The following FRMD6 variants were observed in gnomAD, a reference collection of about 807,000 sequenced individuals.
FRMD6 encodes FERM domain-containing protein 6.
A neutral mutation model predicts 73.2 loss-of-function variants in FRMD6; 37 were observed. The observed-to-expected ratio is 0.51, with a 90% CI of 0.39 to 0.66. The LOEUF (loss-of-function observed/expected upper bound fraction) is 0.66. Ranked by LOEUF, FRMD6 falls within the 30% of genes least tolerant of loss-of-function variation. The pLI, the probability that FRMD6 is intolerant of heterozygous loss-of-function variation, is 0.00. For synonymous variants in FRMD6, 273 were observed against 282.2 expected (o/e 0.97, Z 0.33); for missense variants, 714 against 780.5 (o/e 0.91, Z 1.02).
intron 1 of FRMD6, among the ~76,000 whole-genome samples, chr14:51,680,563 A>C (rs1449960595): frequency 6.6e-6 from 1 of 152,186 alleles, no homozygotes; most frequent in East Asian, 1.9e-4. Flanking sequence ...CTCAAATACC[A>C]GTTGGTTTAT....
chr14:51,605,283 G>C (rs1890210345), intron 2 of FRMD6, among the ~76,000 whole-genome samples: 2 of 151,726 alleles, frequency 1.3e-5, no homozygotes, highest in African/African-American at 4.8e-5. Context: ...AGGACCCTGG[G>C]GCCTTCCGCA....
chr14:51,567,255 T>C (rs1887827755), intron 1 of FRMD6, among the ~76,000 whole-genome samples: 1 of 152,222 alleles, frequency 6.6e-6, no homozygotes, highest in Admixed American at 6.5e-5. Flanking sequence ...AAATTTGTTT[T>C]GAAACGAGTG....
intron 2 of FRMD6, among the ~76,000 whole-genome samples, chr14:51,580,058 C>T (rs1888627389): frequency 6.6e-6 from 1 of 152,022 alleles, no homozygotes; most frequent in African/African-American, 2.4e-5. Context: ...GGAGGAAAGC[C>T]CTAACAGCAT....
intron 1 of FRMD6, chr14:51,546,597 A>AC (rs1183195096): frequency 6.6e-6 from 1 of 151,368 alleles, no homozygotes; most frequent in African/African-American, 2.4e-5. Flanking sequence ...AAAAAAAAAA[A>AC]AAAAAAAAAC....
the FRMD6 span, among the ~76,000 whole-genome samples, chr14:51,410,580 T>A: frequency 2.9e-4 from 44 of 152,218 alleles, no homozygotes; most frequent in Admixed American, 1.1e-3. Context: ...AGCTTTATTA[T>A]CCTGATTATT....
At chr14:51,708,406 A>G (rs1372900375) in intron 7 of FRMD6, 173 bp downstream of exon 7, 5 of 620,350 alleles carry the variant, frequency 8.1e-6, no homozygotes, top group Non-Finnish European at 1.3e-5. Context: ...CTTGGAGGCC[A>G]TGGTGCTTTT....
chr14:51,567,799 G>A (rs1457845347), intron 1 of FRMD6, among the ~76,000 whole-genome samples: 2 of 152,146 alleles, frequency 1.3e-5, no homozygotes, highest in South Asian at 2.1e-4. Flanking sequence ...TATTTCATAT[G>A]TACAGATTTT....
chr14:51,481,940 T>A, the FRMD6 span, among the ~76,000 whole-genome samples: 1 of 152,264 alleles, frequency 6.6e-6, no homozygotes, highest in Admixed American at 6.5e-5. Flanking sequence ...TTATTTTGTT[T>A]GTTCAAATTG....
intron 1 of FRMD6, among the ~76,000 whole-genome samples, chr14:51,530,756 G>C (rs1766792795): frequency 6.6e-6 from 1 of 152,074 alleles, no homozygotes; most frequent in South Asian, 2.1e-4. Flanking sequence ...CAACATGCTG[G>C]GATTACAGGC....
chr14:51,453,117 G>T, the FRMD6 span, among the ~76,000 whole-genome samples: 1 of 151,496 alleles, frequency 6.6e-6, no homozygotes, highest in Non-Finnish European at 1.5e-5. Context: ...AGTGAGAACT[G>T]AACAAGCTTA....
intron 1 of FRMD6, among the ~76,000 whole-genome samples, chr14:51,558,894 T>C (rs1199476068): frequency 3.9e-5 from 6 of 152,202 alleles, no homozygotes; most frequent in Non-Finnish European, 8.8e-5. Context: ...TCCCTGATTG[T>C]ACCACTCTTT....
At chr14:51,416,579 G>T in the FRMD6 span, among the ~76,000 whole-genome samples, 1 of 152,110 alleles carries the variant, frequency 6.6e-6, no homozygotes, top group Non-Finnish European at 1.5e-5. Flanking sequence ...CCAACTATGT[G>T]GTCAATTTTG....
intron 1 of FRMD6, among the ~76,000 whole-genome samples, chr14:51,560,833 A>T (rs1394852643): frequency 6.6e-6 from 1 of 152,114 alleles, no homozygotes; most frequent in Non-Finnish European, 1.5e-5. Context: ...TGCCCTTCCT[A>T]CATCCTACCA....
chr14:51,655,590 A>T (rs957064359), intron 1 of FRMD6, among the ~76,000 whole-genome samples: 4 of 152,202 alleles, frequency 2.6e-5, no homozygotes, highest in Non-Finnish European at 5.9e-5. Flanking sequence ...TTAAAGGGAT[A>T]ATTTGAGAGG....
Position 51,720,327 on chromosome 14 carries a change from T to C in FRMD6, c.1297T>C (p.Ser433Pro). The C allele has an allele frequency of 6.2e-7, 1 of 1,613,826 alleles. No individual in the cohort carries two copies. The highest frequency in any genetic ancestry group is 1.3e-5 in the African/African-American group (1 of 74,992). ...TCSSMTSHGSSHTSGVESGGK... is the reference protein window; with the variant it reads ...TCSSMTSHGSPHTSGVESGGK... Reference sequence around the variant, plus strand: ...CAGCTCAATGACCAGTCATGGCAGCTCCCACACCTCAGGGGTGGAGAGTGG... The same window carrying C: ...CAGCTCAATGACCAGTCATGGCAGCCCCCACACCTCAGGGGTGGAGAGTGG... The change falls in exon 11 of 14, where the codon TCC (serine) becomes CCC (proline). Residue 433 changes from serine (S) to proline (P), a missense_variant. Coordinates refer to ENST00000344768, the MANE Select transcript of FRMD6 (RefSeq NM_001267046.2).
At chr14:51,460,544 C>T in the FRMD6 span, among the ~76,000 whole-genome samples, 3 of 152,098 alleles carry the variant, frequency 2.0e-5, no homozygotes, top group African/African-American at 4.8e-5. Flanking sequence ...GGGTCAAGGA[C>T]GTGAACATTT....
chr14:51,670,728 C>T (rs2140236333), intron 1 of FRMD6, among the ~76,000 whole-genome samples: 1 of 152,026 alleles, frequency 6.6e-6, no homozygotes, highest in East Asian at 1.9e-4. Context: ...TCACTGCAAC[C>T]TCCACTTCCT....
the FRMD6 span, among the ~76,000 whole-genome samples, chr14:51,470,852 G>T: frequency 6.6e-6 from 1 of 152,044 alleles, no homozygotes; most frequent in African/African-American, 2.4e-5. Context: ...TTCCACTGTG[G>T]CCAGAAAATA....
intron 1 of FRMD6, among the ~76,000 whole-genome samples, chr14:51,544,675 C>A (rs1230048187): frequency 1.3e-5 from 2 of 150,380 alleles, no homozygotes; most frequent in Non-Finnish European, 2.9e-5. Context: ...CTACTGTTTA[C>A]AGTTTTTTTT....
Sources: allele counts gnomAD v4.1 joint callset (sites outside exome capture counted in the v4.1 genomes callset), GRCh38; gene constraint gnomAD v4.1.1; transcripts MANE v1.5; gene names NCBI Gene and HGNC (gene_info 2026-07-23, HGNC 2026-07-21).